CYP4F22: variants seen among roughly 807,000 people sequenced by gnomAD.
CYP4F22 encodes the protein cytochrome P450 family 4 subfamily F member 22, also known as ultra-long-chain fatty acid omega-hydroxylase.
A neutral mutation model predicts 60.4 loss-of-function variants in CYP4F22; 37 were observed. That is an observed-to-expected ratio of 0.61 (90% CI 0.47 to 0.81). The LOEUF (loss-of-function observed/expected upper bound fraction) is 0.81. Among genes scored for constraint, CYP4F22 ranks in the 30% least tolerant of loss-of-function variants. The probability of loss-of-function intolerance (pLI) is 0.00; values close to 1 mark genes in which losing one functional copy is unlikely to be tolerated. For synonymous variants in CYP4F22, 258 were observed against 280.5 expected (o/e 0.92, Z 0.80); for missense variants, 655 against 715.0 (o/e 0.92, Z 0.96).
chr19:15,515,394 A>G, intron 1 of CYP4F22: 2 of 1,236,390 alleles, frequency 1.6e-6, no homozygotes, highest in Non-Finnish European at 2.3e-6. Context: ...GCATCTCTGT[A>G]CTTTGTTGGT....
chr19:15,548,384 G>C, intron 11 of CYP4F22, 143 bp downstream of exon 11: 1 of 1,340,304 alleles, frequency 7.5e-7, no homozygotes, highest in Non-Finnish European at 1.1e-6. Context: ...TTGCTTCTGG[G>C]GTGTTGGAGA....
chr19:15,514,215 T>C (rs757556406), intron 1 of CYP4F22, among the ~76,000 whole-genome samples: 25 of 152,162 alleles, frequency 1.6e-4, no homozygotes, highest in Non-Finnish European at 3.2e-4. Flanking sequence ...AGCTGAACCA[T>C]AGGGCACGTA....
At chr19:15,548,024 T>C in intron 10 of CYP4F22, 84 bp from the exon 11 acceptor site, 1 of 1,227,684 alleles carries the variant, frequency 8.1e-7, no homozygotes, top group East Asian at 2.4e-5. Context: ...TGTGTGTGTG[T>C]GTGTGTGTGT....
At chr19:15,520,962 T>C (rs1971218242) in intron 1 of CYP4F22, among the ~76,000 whole-genome samples, 2 of 151,700 alleles carry the variant, frequency 1.3e-5, no homozygotes, top group African/African-American at 2.4e-5. Flanking sequence ...AGAGACGGGG[T>C]TTCACCATGT....
chr19:15,545,417 G>A (rs924966869), intron 10 of CYP4F22, among the ~76,000 whole-genome samples: 1 of 151,974 alleles, frequency 6.6e-6, no homozygotes, highest in Non-Finnish European at 1.5e-5. Context: ...GGAGGCCGAG[G>A]GGGGTGGATT....
In CYP4F22 at chr19:15,543,858, GAA is replaced by G. The variant is rs573134093; in HGVS notation, c.940-95_940-94del. 304,015 of 831,728 alleles carry G rather than the reference GAA, an allele frequency of 0.37. 15,880 individuals carry two copies. Among genetic ancestry groups the G allele is most frequent in the East Asian group, 0.44 (14,876 of 33,812 alleles). 51.5% of individuals were successfully genotyped at this position (831,728 alleles called of 1,614,324 possible). A position where few individuals can be genotyped will look rare whatever the true frequency, so the allele number is the denominator to read the frequency against. On this transcript the variant is annotated intron_variant, in intron 8 of 13. Coordinates refer to ENST00000269703, the MANE Select transcript of CYP4F22 (RefSeq NM_173483.4). ...GGTGATAGAGCGAGACTCCATCTCA[GAA>G]AAAAAAAAAAAAAAAAAGATGGGGG...
intron 1 of CYP4F22, among the ~76,000 whole-genome samples, chr19:15,518,107 T>C (rs1971175966): frequency 6.6e-6 from 1 of 151,028 alleles, no homozygotes; most frequent in South Asian, 2.1e-4. Context: ...AAAGCTGAGG[T>C]GGGAGGATTG....
rs765395884 is a variant in CYP4F22, at chr19:15,525,394, C to T, written c.58C>T (p.Arg20Cys). ...HLLGLEKTAFRIYAVSTLLLF... is the reference protein window; with the variant it reads ...HLLGLEKTAFCIYAVSTLLLF... ...CCTGGGGCTGGAGAAGACGGCGTTCCGCATATACGCGGTGTCCACCCTTCT... is the reference window on the plus strand; with the variant it reads ...CCTGGGGCTGGAGAAGACGGCGTTCTGCATATACGCGGTGTCCACCCTTCT... The change falls in exon 3 of 14, where the codon CGC (arginine) becomes TGC (cysteine). Residue 20 changes from arginine to cysteine, a missense_variant. Physicochemically the swap from Arg to Cys is radical, Grantham distance 180. Coordinates refer to ENST00000269703, the MANE Select transcript of CYP4F22 (RefSeq NM_173483.4). 1.6e-5 allele frequency: 26 copies of T among 1,613,978 alleles called. No individual in the cohort carries two copies. The highest frequency in any genetic ancestry group is 1.6e-4 in the Middle Eastern group (1 of 6,084).
At chr19:15,511,717 C>T (rs145595121) in intron 1 of CYP4F22, among the ~76,000 whole-genome samples, 236 of 152,278 alleles carry the variant, frequency 1.5e-3, no homozygotes, top group African/African-American at 5.5e-3. Context: ...CCATCAGGCT[C>T]CTGGCTGGTC....
intron 4 of CYP4F22, among the ~76,000 whole-genome samples, chr19:15,530,809 G>A (rs563966860): frequency 1.2e-4 from 19 of 152,080 alleles, no homozygotes; most frequent in African/African-American, 2.9e-4. Flanking sequence ...ACCCCCCACC[G>A]GATCCCTCGC....
chr19:15,518,166 A>T (rs1430758985), intron 1 of CYP4F22, among the ~76,000 whole-genome samples: 1 of 151,984 alleles, frequency 6.6e-6, no homozygotes, highest in African/African-American at 2.4e-5. Flanking sequence ...GCCAGACCCC[A>T]TCTCTACCAA....
chr19:15,521,630 C>T (rs1430930511), intron 1 of CYP4F22, among the ~76,000 whole-genome samples: 2 of 151,952 alleles, frequency 1.3e-5, no homozygotes, highest in Non-Finnish European at 2.9e-5. Context: ...GGGTATATCC[C>T]CAGAAGTAGA....
chr19:15,545,210 C>T (rs890990138), intron 10 of CYP4F22, among the ~76,000 whole-genome samples: 14 of 151,874 alleles, frequency 9.2e-5, no homozygotes, highest in African/African-American at 3.1e-4. Context: ...ACTCCACTCA[C>T]CTGAGCAGAA....
Position 15,537,498 on chromosome 19 carries a change from A to T in CYP4F22, c.422-37A>T, listed in dbSNP as rs776078737. 7 of 1,614,162 alleles carry T rather than the reference A, an allele frequency of 4.3e-6. No homozygotes were observed. In the South Asian group the frequency reaches 7.7e-5, roughly 18 times the overall value. On this transcript the variant is annotated intron_variant, in intron 5 of 13. Coordinates refer to ENST00000269703, the MANE Select transcript of CYP4F22 (RefSeq NM_173483.4). ...GGGTTCCTTGGAAGGTTTCAGAGTA[A>T]CAGGAGAGGTCCCTAACCTCAGTCT... is the stretch of plus-strand genomic sequence containing the variant.
chr19:15,526,898 G>A (rs988972990), intron 3 of CYP4F22, among the ~76,000 whole-genome samples: 2 of 151,956 alleles, frequency 1.3e-5, no homozygotes, highest in Non-Finnish European at 2.9e-5. Flanking sequence ...GCCTGCAAGT[G>A]CATGCCCCCA....
chr19:15,545,160 G>A (rs1307995486), intron 10 of CYP4F22, among the ~76,000 whole-genome samples: 1 of 149,920 alleles, frequency 6.7e-6, no homozygotes, highest in Non-Finnish European at 1.5e-5. Context: ...GCTAAAACAA[G>A]TCACGTGACC....
intron 3 of CYP4F22, among the ~76,000 whole-genome samples, chr19:15,529,140 T>TTA (rs1490963842): frequency 9.9e-5 from 15 of 151,474 alleles, no homozygotes; most frequent in Admixed American, 5.9e-4. Context: ...TTTATTTTTT[T>TTA]TTTTTGAGGT....
intron 1 of CYP4F22, among the ~76,000 whole-genome samples, chr19:15,520,721 G>T (rs1971214499): frequency 6.6e-6 from 1 of 151,486 alleles, no homozygotes; most frequent in African/African-American, 2.4e-5. Flanking sequence ...CCGAGTAGCG[G>T]GTACTACAGG....
chr19:15,541,572 A>G (rs922626576), intron 8 of CYP4F22, among the ~76,000 whole-genome samples: 3 of 152,244 alleles, frequency 2.0e-5, no homozygotes, highest in Non-Finnish European at 4.4e-5. Flanking sequence ...GCTCATCACA[A>G]TTGCAAAAAT....
Sources: gnomAD v4.1 joint callset for allele counts (sites outside exome capture counted in the v4.1 genomes callset) on GRCh38, gnomAD v4.1.1 for gene constraint, MANE v1.5 for transcripts, NCBI Gene and HGNC (gene_info 2026-07-23, HGNC 2026-07-21) for gene names.